The following GMIP variants were observed in gnomAD, a reference collection of about 807,000 sequenced individuals.
The protein encoded by GMIP is GEM interacting protein, also known as GEM-interacting protein.
GMIP carries 54 observed loss-of-function variants against 105.3 expected under a neutral mutation model. The observed-to-expected ratio is 0.51, with a 90% CI of 0.41 to 0.64. GMIP has a LOEUF of 0.64. Ranked by LOEUF, GMIP falls within the 30% of genes least tolerant of loss-of-function variation. The pLI is 0.00. For synonymous variants in GMIP, 541 were observed against 560.8 expected (o/e 0.96, Z 0.50); for missense variants, 1,110 against 1,319.4 (o/e 0.84, Z 2.46).
chr19:19,640,080 C>CT lies in GMIP; in HGVS notation c.537+4dup. The CT allele has an allele frequency of 6.4e-7, 1 of 1,554,502 alleles. No homozygotes were observed. The highest frequency in any genetic ancestry group is 8.9e-7 in the Non-Finnish European group (1 of 1,125,846). ...CTCTGTAACATTCCACCCTGCCCCC[C>CT]TCACCTGGTAGTAGTCTCTTTTCTG... On this transcript the variant is annotated splice_donor_region_variant and intron_variant, in intron 7 of 20. Coordinates refer to ENST00000203556, the MANE Select transcript of GMIP (RefSeq NM_016573.4).
At chr19:19,641,639 G>A (rs1352960809) in intron 4 of GMIP, among the ~76,000 whole-genome samples, 171 bp downstream of exon 4, 1 of 152,206 alleles carries the variant, frequency 6.6e-6, no homozygotes, top group Non-Finnish European at 1.5e-5. Flanking sequence ...TCCTACCTCA[G>A]CCTCCACCCT....
At chr19:19,639,944 G>A in intron 7 of GMIP, 141 bp downstream of exon 7, 1 of 608,444 alleles carries the variant, frequency 1.6e-6, no homozygotes, top group Non-Finnish European at 3.0e-6. Context: ...AGCATCCCCG[G>A]GCCTCAGCTT....
Position 19,640,300 on chromosome 19 carries a change from T to C in GMIP, c.425A>G (p.Gln142Arg), listed in dbSNP as rs920551369. 6.2e-7 allele frequency: 1 copy of C among 1,613,786 alleles called. No homozygotes were observed. Residue 142 changes from glutamine (Q) to arginine (R), a missense_variant, in exon 6 of 21, where the codon CAG (glutamine) becomes CGG (arginine). By Grantham distance (43) the Gln-to-Arg change is conservative. Coordinates refer to ENST00000203556, the MANE Select transcript of GMIP (RefSeq NM_016573.4). ...IAEAGKVSIQ[Q>R]QSHMPLQYIY... ...GGGGGGTCTGGTCATGACTACCTGC[T>C]GTTGAATGGACACCTTGCCAGCTTC... is the stretch of plus-strand genomic sequence containing the variant.
At chr19:19,632,915 C>T (rs1267823842) in intron 19 of GMIP, among the ~76,000 whole-genome samples, 2 of 152,170 alleles carry the variant, frequency 1.3e-5, no homozygotes, top group Non-Finnish European at 2.9e-5. Context: ...CACCTGATCT[C>T]CATGTTGCCA....
chr19:19,639,336 C>G (rs991829935), intron 7 of GMIP, among the ~76,000 whole-genome samples: 1 of 151,776 alleles, frequency 6.6e-6, no homozygotes, highest in Non-Finnish European at 1.5e-5. Context: ...CCTCCTTGGC[C>G]CCCAGAAGTG....
rs1192441704 is a variant in GMIP, at chr19:19,634,368, T to G, written c.2084+139A>C. On this transcript the variant is annotated intron_variant, in intron 18 of 20. Coordinates refer to ENST00000203556, the MANE Select transcript of GMIP (RefSeq NM_016573.4). This position sits in a 1 kb window ranked among gnomAD's most constrained non-coding sequence, Gnocchi z 6.1. The stretch of plus-strand genomic sequence containing the variant: ...GGTCAGGGGTCAGTACCCAAAGTTA[T>G]GAATCATGGATTAAGGTTCAGAGTT... 1 of 1,004,776 alleles carries G rather than the reference T, an allele frequency of 1.0e-6. No individual in the cohort carries two copies. Among genetic ancestry groups the G allele is most frequent in the African/African-American group, 1.6e-5 (1 of 61,620 alleles). 62.2% of individuals were successfully genotyped at this position (1,004,776 alleles called of 1,614,324 possible).
At chr19:19,636,008 A>G (rs1345388320) in intron 13 of GMIP, among the ~76,000 whole-genome samples, 1 of 151,980 alleles carries the variant, frequency 6.6e-6, no homozygotes, top group Non-Finnish European at 1.5e-5. Context: ...GTTTGACACC[A>G]GCCTGGCCAA....
chr19:19,643,377 G>T, intron 1 of GMIP, 134 bp downstream of exon 1: 3 of 787,692 alleles, frequency 3.8e-6, no homozygotes, highest in South Asian at 1.8e-5. Context: ...TCCCCACAAT[G>T]GAGGATCCCT....
At chr19:19,633,161 C>G (rs192601292) in intron 19 of GMIP, among the ~76,000 whole-genome samples, 1 of 151,552 alleles carries the variant, frequency 6.6e-6, no homozygotes, top group Non-Finnish European at 1.5e-5. Context: ...TGGGCTCAAG[C>G]GATTCTCCTG....
rs374462671 is a variant in GMIP, at chr19:19,637,185, C to T, written c.1125-156G>A. Among the ~76,000 whole-genome samples the T allele has an allele frequency of 6.6e-6, 1 of 152,296 alleles. No homozygotes were observed. Among genetic ancestry groups the T allele is most frequent in the Admixed American group, 6.5e-5 (1 of 15,306 alleles). ...CCCTGAAATACAGTAGCCCCACATT[C>T]CTGCCCCTGCCCCTAGGACTGGGAC... On this transcript the variant is annotated intron_variant, in intron 11 of 20. Transcript: ENST00000203556. The surrounding 1 kb of genome is among the most constrained non-coding windows in gnomAD (Gnocchi z 6.7).
Position 19,643,368 on chromosome 19 carries a change from C to T in GMIP, c.19+143G>A, listed in dbSNP as rs2061944918. 5 of 721,000 alleles carry T rather than the reference C, an allele frequency of 6.9e-6. No homozygotes were observed. The East Asian group carries it at 1.6e-4, about 23-fold the overall frequency. The allele number at this position is 721,000 out of a possible 1,614,324, so 44.7% of individuals were successfully genotyped here. A position where few individuals can be genotyped will look rare whatever the true frequency, so the allele number is the denominator to read the frequency against. ...CCTGAACCCATCCGGGCACAGGGCTCCCCACAATGGAGGATCCCTGGGTCC... is the reference window on the plus strand; with the variant it reads ...CCTGAACCCATCCGGGCACAGGGCTTCCCACAATGGAGGATCCCTGGGTCC... On this transcript the variant is annotated intron_variant, in intron 1 of 20. Coordinates refer to ENST00000203556, the MANE Select transcript of GMIP (RefSeq NM_016573.4).
rs1345096947 is a variant in GMIP, at chr19:19,642,633, G to A, written c.20-14C>T. On this transcript the variant is annotated splice_polypyrimidine_tract_variant and intron_variant, in intron 1 of 20. Coordinates refer to ENST00000203556, the MANE Select transcript of GMIP (RefSeq NM_016573.4). The stretch of plus-strand genomic sequence containing the variant: ...CTGGGGGGAGTCCTAGGGGAGGGGA[G>A]TGTAATACATGGGCTAACCACTGCC... The A allele has an allele frequency of 3.4e-6, 5 of 1,455,848 alleles. No homozygotes were observed. The Admixed American group carries it at 6.8e-5, about 20-fold the overall frequency. 90.2% of individuals were successfully genotyped at this position (1,455,848 alleles called of 1,614,324 possible).
In GMIP at chr19:19,635,200, C is replaced by T; in HGVS notation, c.1574G>A (p.Cys525Tyr). The change falls in exon 16 of 21, where the codon TGC becomes TAC. Residue 525 changes from cysteine to tyrosine, a missense_variant. Physicochemically the swap from Cys to Tyr is radical, Grantham distance 194. Transcript: ENST00000203556. The surrounding 1 kb of genome is among the most constrained non-coding windows in gnomAD (Gnocchi z 4.7). ...GAGAGTCTCCAGGCAGCGCTTGTGG[C>T]AGGTCAGAAAGCACTGTGGGGAAGG... ...GTECEECFLTCHKRCLETLLI... is the reference protein window; with the variant it reads ...GTECEECFLTYHKRCLETLLI... The T allele has an allele frequency of 2.5e-6, 4 of 1,612,086 alleles. No homozygotes were observed. Among genetic ancestry groups the T allele is most frequent in the Non-Finnish European group, 3.4e-6 (4 of 1,179,044 alleles).
Position 19,638,394 on chromosome 19 carries a change from A to G in GMIP, c.618+8T>C, listed in dbSNP as rs746234098. 2 of 1,613,846 alleles carry G rather than the reference A, an allele frequency of 1.2e-6. No individual in the cohort carries two copies. The highest frequency in any genetic ancestry group is 1.7e-6 in the Non-Finnish European group (2 of 1,179,940). On this transcript the variant is annotated splice_region_variant and intron_variant, in intron 8 of 20. Coordinates refer to ENST00000203556, the MANE Select transcript of GMIP (RefSeq NM_016573.4). ...TCACCCTACCCTTCCACCAATTCCA[A>G]GCCTCACCATCCGCTTCTGCTCCTT...
At chr19:19,641,007 T>A (rs113772386) in intron 4 of GMIP, among the ~76,000 whole-genome samples, 5,660 of 152,248 alleles carry the variant, frequency 0.037, 362 homozygotes, top group African/African-American at 0.13. Context: ...TCTCAGGTGA[T>A]CTGCCCGCCT....
At chr19:19,633,143 C>G (rs894299325) in intron 19 of GMIP, among the ~76,000 whole-genome samples, 2 of 151,630 alleles carry the variant, frequency 1.3e-5, no homozygotes, top group African/African-American at 2.4e-5. Flanking sequence ...ACTAAAACCT[C>G]TGCTTCCTGG....
chr19:19,643,496 T>TCCCCGAC lies in GMIP; in HGVS notation c.19+8_19+14dup. 1 of 1,545,164 alleles carries TCCCCGAC rather than the reference T, an allele frequency of 6.5e-7. No homozygotes were observed. The highest frequency in any genetic ancestry group is 1.2e-5 in the South Asian group (1 of 83,606). ...ATGGTCGGGGGAGGCCCCTCCCGGATCCCCGACCCCCTACCCGGCTCTGCT... is the reference window on the plus strand; with the variant it reads ...ATGGTCGGGGGAGGCCCCTCCCGGATCCCCGACCCCCGACCCCCTACCCGGCTCTGCT... On this transcript the variant is annotated intron_variant, in intron 1 of 20. Transcript: ENST00000203556.
intron 19 of GMIP, among the ~76,000 whole-genome samples, chr19:19,633,268 G>A (rs1403937574): frequency 1.3e-5 from 2 of 151,998 alleles, no homozygotes; most frequent in Non-Finnish European, 2.9e-5. Flanking sequence ...TTATTGGTTG[G>A]ATTAGTCTCG....
At chr19:19,636,631 T>A in intron 13 of GMIP, 76 bp downstream of exon 13, 1 of 1,038,932 alleles carries the variant, frequency 9.6e-7, no homozygotes, top group Non-Finnish European at 1.5e-6. Context: ...AGTTAAAGAT[T>A]GAGGGTCAGA....
Sources: gnomAD v4.1 joint callset for allele counts (sites outside exome capture counted in the v4.1 genomes callset) on GRCh38, gnomAD v4.1.1 for gene constraint, Gnocchi (gnomAD v3.1) non-coding constraint, MANE v1.5 for transcripts, NCBI Gene and HGNC (gene_info 2026-07-23, HGNC 2026-07-21) for gene names.